MON2: variants seen among roughly 807,000 people sequenced by gnomAD.
The protein encoded by MON2 is protein MON2 homolog.
A neutral mutation model predicts 208.6 loss-of-function variants in MON2; 84 were observed. The observed-to-expected ratio is 0.40, with a 90% CI of 0.34 to 0.48. The LOEUF is 0.48. Ranked by LOEUF, MON2 falls within the 20% of genes least tolerant of loss-of-function variation. MON2 has a pLI of 0.59. For synonymous variants in MON2, 660 were observed against 694.0 expected (o/e 0.95, Z 0.77); for missense variants, 1,611 against 2,015.4 (o/e 0.80, Z 3.84).
chr12:62,470,792 G>A, intron 1 of MON2: 1 of 1,026,554 alleles, frequency 9.7e-7, no homozygotes, highest in Non-Finnish European at 1.2e-6. Context: ...AGTATTCCAT[G>A]TAAAATAAAT....
Position 62,571,490 on chromosome 12 carries a change from A to C in MON2, c.4422A>C (p.Leu1474=), listed in dbSNP as rs781464616. The change falls in exon 30 of 35, where the codon CTA becomes CTC. Residue 1474 remains leucine, a synonymous_variant. Transcript: ENST00000393630. The part of the protein sequence containing the change: ...SSLLRVLSIG[L]PVARQHASSG... ...TCCTCAGAGTTCTTTCTATTGGGCT[A>C]CCTGTTGCCCGGCAGCATGCTTCTT... 1.2e-6 allele frequency: 2 copies of C among 1,613,820 alleles called. No homozygotes were observed. The highest frequency in any genetic ancestry group is 2.2e-5 in the South Asian group (2 of 91,068).
At position 62,546,899 on chromosome 12, in the gene MON2, G is replaced by T; in HGVS notation, c.2580G>T (p.Arg860Ser). 1.3e-6 allele frequency: 2 copies of T among 1,594,290 alleles called. No individual in the cohort carries two copies. Among genetic ancestry groups the T allele is most frequent in the East Asian group, 2.3e-5 (1 of 43,640 alleles). ...TTAGTTTCTTGCCCCCTTTTCAGAG[G>T]CTGCAGTTGCTTTTATTGAACCCGT... is the stretch of plus-strand genomic sequence containing the variant. Reference protein sequence around the residue: ...NHDPPLSQNQRLQLLLLNPLK... With the variant: ...NHDPPLSQNQSLQLLLLNPLK... Residue 860 changes from arginine to serine, a missense_variant and splice_region_variant, in exon 22 of 35, where the codon AGG (arginine) becomes AGT (serine). Coordinates refer to ENST00000393630, the MANE Select transcript of MON2 (RefSeq NM_015026.3).
At chr12:62,519,599 A>C (rs931527614) in intron 8 of MON2, among the ~76,000 whole-genome samples, 2 of 152,226 alleles carry the variant, frequency 1.3e-5, no homozygotes, top group Non-Finnish European at 2.9e-5. Flanking sequence ...TACGTTTTCC[A>C]AATGTAAATG....
At position 62,528,216 on chromosome 12, in the gene MON2, A is replaced by C. The variant is rs558081356; in HGVS notation, c.1400+2114A>C. Among the ~76,000 whole-genome samples the C allele has an allele frequency of 4.6e-5, 7 of 152,274 alleles. No homozygotes were observed. The East Asian group carries it at 1.4e-3, about 29-fold the overall frequency. ...ACTGTTGAATTGGCATCTTTTATTC[A>C]ATTCATTGTGAGGTTCAATATAAAA... On this transcript the variant is annotated intron_variant, in intron 11 of 34. Coordinates refer to ENST00000393630, the MANE Select transcript of MON2 (RefSeq NM_015026.3).
rs180895979 is a variant in MON2 at position 62,526,941 on chromosome 12, A to T, written c.1400+839A>T. The stretch of plus-strand genomic sequence containing the variant: ...CAGGAGTTCGAGACCAGTCTGGCCA[A>T]TGTGGTGAAACCCCATCTCTACTAA... On this transcript the variant is annotated intron_variant, in intron 11 of 34. Coordinates refer to ENST00000393630, the MANE Select transcript of MON2 (RefSeq NM_015026.3). 1.2e-4 allele frequency among the ~76,000 whole-genome samples: 19 copies of T among 152,254 alleles called. No homozygotes were observed. The East Asian group carries it at 3.5e-3, about 28-fold the overall frequency.
At chr12:62,578,151 T>C (rs536838353) in intron 30 of MON2, among the ~76,000 whole-genome samples, 3 of 152,290 alleles carry the variant, frequency 2.0e-5, no homozygotes, top group Admixed American at 6.5e-5. Flanking sequence ...AGATGATAGC[T>C]CTTTACCTTT....
intron 8 of MON2, among the ~76,000 whole-genome samples, chr12:62,521,483 GTC>G (rs1447539113): frequency 6.6e-6 from 1 of 152,130 alleles, no homozygotes; most frequent in Non-Finnish European, 1.5e-5. Context: ...ATGAAAATAA[GTC>G]TGAAATTGCA....
intron 1 of MON2, among the ~76,000 whole-genome samples, chr12:62,479,676 G>A (rs1337451649): frequency 6.6e-6 from 1 of 152,080 alleles, no homozygotes; most frequent in African/African-American, 2.4e-5. Flanking sequence ...TAAGGCTTTG[G>A]CATTCTTTCC....
intron 8 of MON2, among the ~76,000 whole-genome samples, chr12:62,512,816 C>G (rs1193897742): frequency 6.6e-6 from 1 of 152,206 alleles, no homozygotes; most frequent in South Asian, 2.1e-4. Flanking sequence ...AAACTTCTGC[C>G]TGGGCATCCA....
At chr12:62,525,365 TAATCTG>T in intron 10 of MON2, 145 bp downstream of exon 10, 1 of 729,182 alleles carries the variant, frequency 1.4e-6, no homozygotes, top group South Asian at 2.2e-5. Flanking sequence ...ACTGAAAGAA[TAATCTG>T]ATCTCAATGA....
chr12:62,539,036 A>G (rs10877873), intron 19 of MON2, among the ~76,000 whole-genome samples: 53,841 of 151,868 alleles, frequency 0.35, 9,682 homozygotes, highest in African/African-American at 0.37. Flanking sequence ...ATTTCTTTCT[A>G]TACTACTAAA....
At chr12:62,479,457 A>C (rs2069279474) in intron 1 of MON2, among the ~76,000 whole-genome samples, 2 of 106,272 alleles carry the variant, frequency 1.9e-5, no homozygotes, top group African/African-American at 3.4e-5. Context: ...AATATTTTTG[A>C]TCTGCAGTTG....
At chr12:62,510,329 A>G (rs1400424284) in intron 8 of MON2, among the ~76,000 whole-genome samples, 1 of 152,118 alleles carries the variant, frequency 6.6e-6, no homozygotes, top group Non-Finnish European at 1.5e-5. Context: ...CAAAAATACT[A>G]CAAGGAAAAA....
At chr12:62,516,011 G>T (rs993497726) in intron 8 of MON2, among the ~76,000 whole-genome samples, 2 of 152,106 alleles carry the variant, frequency 1.3e-5, no homozygotes, top group African/African-American at 4.8e-5. Flanking sequence ...AGATTTAGTA[G>T]CAACCAAAGT....
Position 62,571,413 on chromosome 12 carries a change from T to G in MON2, c.4345T>G (p.Leu1449Val). The G allele has an allele frequency of 6.2e-7, 1 of 1,609,124 alleles. No individual in the cohort carries two copies. Among genetic ancestry groups the G allele is most frequent in the Non-Finnish European group, 8.5e-7 (1 of 1,176,772 alleles). The change falls in exon 30 of 35, where the codon TTG (leucine) becomes GTG (valine). Residue 1449 changes from leucine to valine, a missense_variant. By Grantham distance (32) the Leu-to-Val change is conservative. Coordinates refer to ENST00000393630, the MANE Select transcript of MON2 (RefSeq NM_015026.3). Reference protein sequence around the residue: ...IIKTLRVPLSLKYSCPSESTW... With the variant: ...IIKTLRVPLSVKYSCPSESTW... ...TCAGACTCTTAGGGTTCCTCTCAGT[T>G]TGAAGTATTCCTGCCCTTCTGAAAG... is the stretch of plus-strand genomic sequence containing the variant.
intron 8 of MON2, among the ~76,000 whole-genome samples, chr12:62,524,187 A>G (rs1365948610): frequency 6.6e-6 from 1 of 152,142 alleles, no homozygotes; most frequent in East Asian, 1.9e-4. Flanking sequence ...TTTATGTGGT[A>G]CATGCTGTCT....
chr12:62,556,238 A>G, intron 25 of MON2, 46 bp downstream of exon 25: 1 of 1,549,382 alleles, frequency 6.5e-7, no homozygotes, highest in Non-Finnish European at 8.8e-7. Flanking sequence ...TAATGTTAAA[A>G]GAAATTTGGA....
chr12:62,507,315 CT>C (rs112565800), intron 7 of MON2, among the ~76,000 whole-genome samples: 33 of 142,740 alleles, frequency 2.3e-4, no homozygotes, highest in Admixed American at 2.8e-4. Context: ...TTTTCTTTTT[CT>C]TTTTTTTTTT....
At chr12:62,537,463 G>T (rs1165278151) in intron 15 of MON2, 139 bp from the exon 16 acceptor site, 13 of 708,382 alleles carry the variant, frequency 1.8e-5, no homozygotes, top group Non-Finnish European at 2.7e-5. Flanking sequence ...CAAATGAATT[G>T]TTCCTTATAA....
Sources: gnomAD v4.1 joint callset for allele counts (sites outside exome capture counted in the v4.1 genomes callset) on GRCh38, gnomAD v4.1.1 for gene constraint, MANE v1.5 for transcripts, NCBI Gene and HGNC (gene_info 2026-07-23, HGNC 2026-07-21) for gene names.